Variants in MAT1A observed in about 807,000 individuals in gnomAD.
MAT1A encodes S-adenosylmethionine synthase isoform type-1.
Under a neutral mutation model 44.0 loss-of-function variants are expected in MAT1A, and 19 were observed. The observed-to-expected ratio is 0.43, with a 90% CI of 0.30 to 0.63. The LOEUF is 0.63. Ranked by LOEUF, MAT1A falls within the 30% of genes least tolerant of loss-of-function variation. MAT1A has a pLI of 0.12. For synonymous variants in MAT1A, 205 were observed against 205.6 expected (o/e 1.00, Z 0.03); for missense variants, 397 against 531.0 (o/e 0.75, Z 2.48).
rs1419173028 is a variant in MAT1A, at chr10:80,274,564, A to G, written c.1041T>C (p.Asp347=). The stretch of plus-strand genomic sequence containing the variant: ...GGAGGTCGAAGTTCTTATGCACCAC[A>G]TCCAGCAGCTCTCGCTCTGTCTTCT... The part of the protein sequence containing the change: ...TSQKTERELL[D]VVHKNFDLRP... Residue 347 remains aspartate, a synonymous_variant, in exon 8 of 9, where the codon GAT becomes GAC. Transcript: ENST00000372213. The G allele has an allele frequency of 6.2e-7, 1 of 1,613,992 alleles. No homozygotes were observed. Among genetic ancestry groups the G allele is most frequent in the East Asian group, 2.2e-5 (1 of 44,886 alleles).
rs546463507 is a variant in MAT1A, at chr10:80,283,585, G to A, written c.292+331C>T. On this transcript the variant is annotated intron_variant, in intron 3 of 8. Coordinates refer to ENST00000372213, the MANE Select transcript of MAT1A (RefSeq NM_000429.3). ...ACACAAGAGACTATCACCAGTGCCT[G>A]GCAGCGAGCATGTCCCCAAAGGAGG... is the stretch of plus-strand genomic sequence containing the variant. Among the ~76,000 whole-genome samples, 4 of 152,370 alleles carry A rather than the reference G, an allele frequency of 2.6e-5. No homozygotes were observed. The East Asian group carries it at 7.7e-4, about 29-fold the overall frequency.
intron 4 of MAT1A, 151 bp from the exon 5 acceptor site, chr10:80,280,467 C>T: frequency 1.8e-6 from 2 of 1,118,498 alleles, no homozygotes; most frequent in Non-Finnish European, 1.3e-6. Context: ...AGGACGTCAT[C>T]CCTGACCCCC....
intron 8 of MAT1A, 49 bp from the exon 9 acceptor site, chr10:80,273,932 G>T: frequency 1.5e-6 from 2 of 1,315,992 alleles, no homozygotes; most frequent in South Asian, 1.2e-5. Flanking sequence ...AACAGGAGCA[G>T]GGTTTCTTTC....
intron 5 of MAT1A, among the ~76,000 whole-genome samples, 199 bp from the exon 6 acceptor site, chr10:80,276,793 G>A (rs918481288): frequency 6.6e-6 from 1 of 152,224 alleles, no homozygotes; most frequent in Non-Finnish European, 1.5e-5. Context: ...GGAGGACTGG[G>A]TGTAAGGCCC....
At chr10:80,282,255 G>C (rs961107969) in intron 3 of MAT1A, among the ~76,000 whole-genome samples, 3 of 152,180 alleles carry the variant, frequency 2.0e-5, no homozygotes, top group Admixed American at 2.0e-4. Context: ...GGACCAAGAG[G>C]GGAGGTACAG....
intron 7 of MAT1A, 138 bp from the exon 8 acceptor site, chr10:80,274,791 T>G: frequency 7.6e-7 from 1 of 1,310,532 alleles, no homozygotes; most frequent in Non-Finnish European, 1.1e-6. Flanking sequence ...ATTTTCCTGC[T>G]ATCTTCACCG....
chr10:80,280,587 G>T, intron 4 of MAT1A, 93 bp downstream of exon 4: 1 of 1,189,830 alleles, frequency 8.4e-7, no homozygotes, highest in Non-Finnish European at 1.3e-6. Flanking sequence ...ATCGTGCTAG[G>T]ACAAGAATCC....
intron 5 of MAT1A, 23 bp from the exon 6 acceptor site, chr10:80,276,617 A>G: frequency 6.2e-7 from 1 of 1,602,508 alleles, no homozygotes; most frequent in Non-Finnish European, 8.5e-7. Context: ...AGGGTGGGGG[A>G]GATACTGTGA....
intron 5 of MAT1A, among the ~76,000 whole-genome samples, chr10:80,277,395 T>C (rs1349552942): frequency 6.6e-6 from 1 of 152,176 alleles, no homozygotes; most frequent in Non-Finnish European, 1.5e-5. Flanking sequence ...ACCCTGGATC[T>C]GTATCAAACT....
intron 5 of MAT1A, among the ~76,000 whole-genome samples, chr10:80,277,215 G>A (rs752883139): frequency 2.0e-5 from 3 of 152,182 alleles, no homozygotes; most frequent in African/African-American, 7.2e-5. Context: ...TGTGGTGCCC[G>A]CAGGGGTGCA....
At chr10:80,283,128 C>A (rs755448417) in intron 3 of MAT1A, among the ~76,000 whole-genome samples, 3 of 152,218 alleles carry the variant, frequency 2.0e-5, no homozygotes, top group Non-Finnish European at 4.4e-5. Context: ...GAATTGGGGC[C>A]AGAGCCCTGC....
Position 80,289,593 on chromosome 10 carries a change from C to G in MAT1A, c.-170G>C. ...CTGCCTGTGAGCACGTGAGAACAGG[C>G]GAGGACTGCTGAGAAGGGAGGGAGT... On this transcript the variant is annotated 5_prime_UTR_variant, in exon 1 of 9. Coordinates refer to ENST00000372213, the MANE Select transcript of MAT1A (RefSeq NM_000429.3). The G allele has an allele frequency of 3.0e-6, 2 of 671,620 alleles. No individual in the cohort carries two copies. Among genetic ancestry groups the G allele is most frequent in the Middle Eastern group, 3.7e-4 (1 of 2,720 alleles). The allele number at this position is 671,620 out of a possible 1,614,324, so 41.6% of individuals were successfully genotyped here. A position where few individuals can be genotyped will look rare whatever the true frequency, so the allele number is the denominator to read the frequency against.
At chr10:80,287,671 C>T (rs1841665607) in intron 1 of MAT1A, among the ~76,000 whole-genome samples, 1 of 152,220 alleles carries the variant, frequency 6.6e-6, no homozygotes, top group African/African-American at 2.4e-5. Context: ...GAATCTTTCT[C>T]CTAACCTATA....
intron 3 of MAT1A, among the ~76,000 whole-genome samples, chr10:80,283,313 T>C (rs964851980): frequency 6.6e-6 from 1 of 152,248 alleles, no homozygotes; most frequent in Non-Finnish European, 1.5e-5. Flanking sequence ...TGCTAGGGCC[T>C]GTGCCCCTTC....
chr10:80,287,261 A>G (rs1589484497), intron 1 of MAT1A, among the ~76,000 whole-genome samples: 1 of 152,368 alleles, frequency 6.6e-6, no homozygotes, highest in East Asian at 1.9e-4. Flanking sequence ...ACACAAGACA[A>G]TGCCCAAGGA....
Position 80,280,323 on chromosome 10 carries a change from C to T in MAT1A, c.406-7G>A, listed in dbSNP as rs763464790. 3.2e-5 allele frequency: 51 copies of T among 1,613,776 alleles called. No individual in the cohort carries two copies. In the Admixed American group the frequency reaches 4.8e-4, roughly 15 times the overall value. ...CATAGCCGAACATCAAACCCTGTGG[C>T]GAGAGAGCAGGCTGAGCGGCGCCCA... On this transcript the variant is annotated splice_polypyrimidine_tract_variant and splice_region_variant and intron_variant, in intron 4 of 8. Transcript: ENST00000372213.
chr10:80,280,466 T>A (rs1043114384), intron 4 of MAT1A, 150 bp from the exon 5 acceptor site: 1 of 1,124,246 alleles, frequency 8.9e-7, no homozygotes, highest in Non-Finnish European at 1.3e-6. Context: ...AAGGACGTCA[T>A]CCCTGACCCC....
At chr10:80,274,481 G>A (rs1841453658) in intron 8 of MAT1A, 39 bp downstream of exon 8, 16 of 1,613,516 alleles carry the variant, frequency 9.9e-6, no homozygotes, top group Non-Finnish European at 1.4e-5. Context: ...GGCAAGGAAG[G>A]AGCAAGGTCC....
Position 80,276,440 on chromosome 10 carries a change from T to C in MAT1A, c.704A>G (p.Tyr235Cys). Residue 235 changes from tyrosine (Y) to cysteine (C), a missense_variant, in exon 6 of 9, where the codon TAC (tyrosine) becomes TGC (cysteine). By Grantham distance (194) the Tyr-to-Cys change is radical. Transcript: ENST00000372213. ...QVIRAVVPAK[Y>C]LDEDTVYHLQ... ...GTGGTAGACGGTGTCTTCGTCCAGGTACTTGGCCGGCACCACGGCCCTGAT... is the reference window on the plus strand; with the variant it reads ...GTGGTAGACGGTGTCTTCGTCCAGGCACTTGGCCGGCACCACGGCCCTGAT... 6.2e-7 allele frequency: 1 copy of C among 1,614,140 alleles called. No homozygotes were observed. The highest frequency in any genetic ancestry group is 8.5e-7 in the Non-Finnish European group (1 of 1,180,032).
Sources: gnomAD v4.1 joint callset for allele counts (sites outside exome capture counted in the v4.1 genomes callset) on GRCh38, gnomAD v4.1.1 for gene constraint, MANE v1.5 for transcripts, NCBI Gene and HGNC (gene_info 2026-07-23, HGNC 2026-07-21) for gene names.